The following PDE1C variants were observed in gnomAD, a reference collection of about 807,000 sequenced individuals.
The protein encoded by PDE1C is phosphodiesterase 1C.
Under a neutral mutation model 93.1 loss-of-function variants are expected in PDE1C, and 62 were observed. That is an observed-to-expected ratio of 0.67 (90% CI 0.54 to 0.82). PDE1C has a LOEUF of 0.82. Ranked by LOEUF, PDE1C falls within the 40% of genes least tolerant of loss-of-function variation. The probability of loss-of-function intolerance (pLI) is 0.00; values close to 1 mark genes in which losing one functional copy is unlikely to be tolerated. For missense variants in PDE1C, 742 were observed against 884.6 expected (o/e 0.84, Z 2.04); for synonymous variants, 325 against 310.1 (o/e 1.05, Z -0.50).
chr7:32,360,972 T>C (rs1784127095), intron 1 of PDE1C, among the ~76,000 whole-genome samples: 1 of 152,154 alleles, frequency 6.6e-6, no homozygotes, highest in African/African-American at 2.4e-5. Flanking sequence ...ATTCATTTAA[T>C]CTTAAAAACA....
chr7:31,944,681 T>G (rs1348112356), intron 2 of PDE1C, among the ~76,000 whole-genome samples: 1 of 152,228 alleles, frequency 6.6e-6, no homozygotes, highest in African/African-American at 2.4e-5. Flanking sequence ...AAATCTATAT[T>G]CTTACTTTGC....
In PDE1C at chr7:32,201,260, G is replaced by A. The variant is rs150443424; in HGVS notation, c.136+8229C>T. ...AGGTTATCCTCGTCTGTCTCTTGCC[G>A]AAACCTAAAACTTCATCTTAACTTT... On this transcript the variant is annotated intron_variant, in intron 2 of 18. Coordinates refer to the PDE1C transcript ENST00000396193. Among the ~76,000 whole-genome samples the A allele has an allele frequency of 4.7e-4, 71 of 152,276 alleles. No homozygotes were observed. The East Asian group carries it at 0.012, about 26-fold the overall frequency.
At chr7:32,240,339 T>C (rs1231378856) in intron 1 of PDE1C, among the ~76,000 whole-genome samples, 1 of 152,218 alleles carries the variant, frequency 6.6e-6, no homozygotes, top group African/African-American at 2.4e-5. Flanking sequence ...TACTATATGC[T>C]AGGCACTCTT....
intron 2 of PDE1C, among the ~76,000 whole-genome samples, chr7:31,902,081 G>A (rs887772937): frequency 6.6e-6 from 1 of 151,372 alleles, no homozygotes. Context: ...TCTAAGCATG[G>A]CATCAAAGCT....
chr7:32,211,389 C>A (rs898191497), intron 1 of PDE1C, among the ~76,000 whole-genome samples: 2 of 152,092 alleles, frequency 1.3e-5, no homozygotes, highest in Non-Finnish European at 2.9e-5. Context: ...CATTCATATT[C>A]CTGCCTCCAC....
At chr7:32,181,819 TAG>T (rs1307822791) in intron 2 of PDE1C, among the ~76,000 whole-genome samples, 2 of 151,914 alleles carry the variant, frequency 1.3e-5, no homozygotes. Flanking sequence ...CTGAAGGAAA[TAG>T]AGACACAAAA....
chr7:32,279,404 A>T (rs1167514780), intron 1 of PDE1C, among the ~76,000 whole-genome samples: 1 of 152,160 alleles, frequency 6.6e-6, no homozygotes, highest in Admixed American at 6.5e-5. Flanking sequence ...TCTATTGCAC[A>T]GTAGGGTGAT....
In PDE1C at chr7:32,288,698, C is replaced by T. The variant is rs988763073; in HGVS notation, c.85+9953G>A. On this transcript the variant is annotated intron_variant, in intron 1 of 18. Coordinates refer to the PDE1C transcript ENST00000396193. ...ACTGTTTAAGGTGAGTCACTAGATA[C>T]AGTGGACCTTTCTGAGAAACTGTAA... is the stretch of plus-strand genomic sequence containing the variant. Among the ~76,000 whole-genome samples the T allele has an allele frequency of 2.0e-5, 3 of 152,306 alleles. No individual in the cohort carries two copies. In the East Asian group the frequency reaches 5.8e-4, roughly 29 times the overall value.
intron 1 of PDE1C, among the ~76,000 whole-genome samples, chr7:32,275,977 C>G (rs1811258370): frequency 6.6e-6 from 1 of 152,166 alleles, no homozygotes. Flanking sequence ...AGTTGGCATA[C>G]TTTAATTATG....
chr7:31,825,670 A>G (rs1789561350), intron 12 of PDE1C, among the ~76,000 whole-genome samples: 1 of 152,176 alleles, frequency 6.6e-6, no homozygotes. Context: ...AAAATCATTT[A>G]GAAGCTATTG....
intron 2 of PDE1C, among the ~76,000 whole-genome samples, chr7:31,999,640 A>T (rs1785203478): frequency 6.6e-6 from 1 of 152,246 alleles, no homozygotes; most frequent in Admixed American, 6.5e-5. Context: ...AAGGCACTCT[A>T]CATGGATATA....
intron 1 of PDE1C, among the ~76,000 whole-genome samples, chr7:32,268,704 G>A (rs1411655135): frequency 6.6e-6 from 1 of 152,058 alleles, no homozygotes; most frequent in East Asian, 1.9e-4. Context: ...TTCACTGGAA[G>A]GGAAAAAATG....
At chr7:32,338,900 G>A (rs187318798) in intron 1 of PDE1C, among the ~76,000 whole-genome samples, 69 of 152,140 alleles carry the variant, frequency 4.5e-4, no homozygotes, top group Non-Finnish European at 7.9e-4. Flanking sequence ...CTACTCGGGA[G>A]GCTGAGGCAG....
chr7:31,714,837 C>T, the PDE1C span, among the ~76,000 whole-genome samples: 1 of 152,140 alleles, frequency 6.6e-6, no homozygotes, highest in Non-Finnish European at 1.5e-5. Context: ...AGGTCCCTCC[C>T]ACAACACGTT....
the PDE1C span, among the ~76,000 whole-genome samples, chr7:31,687,725 C>T: frequency 7.9e-5 from 12 of 152,264 alleles, no homozygotes; most frequent in South Asian, 6.2e-4. Flanking sequence ...TTTTAAAAGA[C>T]GGTACTTTTT....
intron 3 of PDE1C, among the ~76,000 whole-genome samples, chr7:32,153,747 G>A (rs2128792422): frequency 6.6e-6 from 1 of 152,298 alleles, no homozygotes; most frequent in Admixed American, 6.5e-5. Context: ...AATTATTTCA[G>A]CAAGAAAAAA....
chr7:31,845,898 C>A (rs1583578741), intron 9 of PDE1C, among the ~76,000 whole-genome samples: 1 of 152,134 alleles, frequency 6.6e-6, no homozygotes, highest in East Asian at 1.9e-4. Context: ...GAGACTGAGG[C>A]AGGAGAATCG....
At chr7:32,405,418 A>G (rs1487255566) in intron 1 of PDE1C, among the ~76,000 whole-genome samples, 2 of 151,682 alleles carry the variant, frequency 1.3e-5, no homozygotes, top group Non-Finnish European at 2.9e-5. Context: ...CGCCTGGCTA[A>G]TTTTGTATTT....
At chr7:32,237,820 T>G (rs10258357) in intron 1 of PDE1C, among the ~76,000 whole-genome samples, 138,714 of 140,470 alleles carry the variant, frequency 0.99, 68,528 homozygotes, top group Middle Eastern at 1. Context: ...GCCCAGGCTG[T>G]AGTGCAATGG....
Sources: gnomAD v4.1 joint callset for allele counts (sites outside exome capture counted in the v4.1 genomes callset) on GRCh38, gnomAD v4.1.1 for gene constraint, MANE v1.5 for transcripts, NCBI Gene and HGNC (gene_info 2026-07-23, HGNC 2026-07-21) for gene names.